The following ANO9 variants were observed in gnomAD, a reference collection of about 807,000 sequenced individuals.
The protein encoded by ANO9 is anoctamin 9.
Under a neutral mutation model 100.5 loss-of-function variants are expected in ANO9, and 80 were observed. The observed-to-expected ratio is 0.80, with a 90% CI of 0.66 to 0.96. The LOEUF (loss-of-function observed/expected upper bound fraction) is 0.96. Among genes scored for constraint, ANO9 ranks in the 40% least tolerant of loss-of-function variants. The probability of loss-of-function intolerance (pLI) is 0.00; values close to 1 mark genes in which losing one functional copy is unlikely to be tolerated. For synonymous variants in ANO9, 473 were observed against 435.6 expected, an observed-to-expected ratio of 1.09 and a Z score of -1.07; for missense variants, 1,064 against 1,072.7, an observed-to-expected ratio of 0.99 and a Z score of 0.11.
rs764715615 is a variant in ANO9 at position 430,253 on chromosome 11, C to A, written c.674+16G>T. ...CCCACCCCGGCCCCCCATGCCCGGC[C>A]CCTGCTGCGGCCCACCTGATCTGGC... On this transcript the variant is annotated intron_variant, in intron 8 of 22. Coordinates refer to ENST00000332826, the MANE Select transcript of ANO9 (RefSeq NM_001012302.3). The A allele has an allele frequency of 1.1e-5, 17 of 1,556,286 alleles. No individual in the cohort carries two copies. The highest frequency in any genetic ancestry group is 3.5e-5 in the South Asian group (3 of 84,572).
At chr11:425,855 A>G (rs1316621027) in intron 15 of ANO9, among the ~76,000 whole-genome samples, 1 of 151,726 alleles carries the variant, frequency 6.6e-6, no homozygotes, top group Non-Finnish European at 1.5e-5. Context: ...CAGCCTCCCC[A>G]GTAGCTGGGA....
At chr11:425,720 TTTTG>T (rs771356151) in intron 15 of ANO9, among the ~76,000 whole-genome samples, 3,170 of 151,814 alleles carry the variant, frequency 0.021, 118 homozygotes, top group African/African-American at 0.072. Flanking sequence ...GTTTTTTGTT[TTTTG>T]TTTGTTTGTT....
At chr11:423,770 A>G (rs1398414812) in intron 15 of ANO9, among the ~76,000 whole-genome samples, 4 of 152,150 alleles carry the variant, frequency 2.6e-5, no homozygotes, top group African/African-American at 9.6e-5. Flanking sequence ...GCCTCAAGTA[A>G]TCCTCCTACC....
intron 7 of ANO9, 48 bp from the exon 8 acceptor site, chr11:430,451 G>A (rs757123273): frequency 2.8e-6 from 3 of 1,087,496 alleles, no homozygotes; most frequent in Non-Finnish European, 3.8e-6. Context: ...CGGTGGGGGA[G>A]GGACAGGAAA....
chr11:424,694 A>G (rs1417798728), intron 15 of ANO9, among the ~76,000 whole-genome samples: 1 of 152,238 alleles, frequency 6.6e-6, no homozygotes, highest in Non-Finnish European at 1.5e-5. Context: ...TGGACCCTTT[A>G]GGAAACAAGA....
chr11:432,033 GT>G lies in ANO9; in HGVS notation c.371del (p.Asn124ThrfsTer5). 2 of 1,613,016 alleles carry G rather than the reference GT, an allele frequency of 1.2e-6. No homozygotes were observed. Among genetic ancestry groups the G allele is most frequent in the Non-Finnish European group, 1.7e-6 (2 of 1,179,770 alleles). On this transcript the variant is annotated frameshift_variant, in exon 5 of 23. Coordinates refer to ENST00000332826, the MANE Select transcript of ANO9 (RefSeq NM_001012302.3). LOFTEE classifies it high-confidence loss of function. The surrounding 1 kb of genome is among the most constrained non-coding windows in gnomAD (Gnocchi z 4.8). ...AGGTCTTGTTGTTCATGACAACGAA[GT>G]TCACGATTCGGATTCTGAGACTCAA... ...VTTSLRIRIV[N>X]FVVMNNKTSA...
In ANO9 at chr11:429,656, C is replaced by G; in HGVS notation, c.833-4G>C. On this transcript the variant is annotated splice_region_variant and splice_polypyrimidine_tract_variant and intron_variant, in intron 10 of 22. Transcript: ENST00000332826. Reference sequence around the variant, plus strand: ...CAGATCTCCAGGAACACCGTGGCTGCGGCGGGGGCAAGGAGGGGCATCACT... The same window carrying G: ...CAGATCTCCAGGAACACCGTGGCTGGGGCGGGGGCAAGGAGGGGCATCACT... The G allele has an allele frequency of 6.2e-7, 1 of 1,612,582 alleles. No homozygotes were observed. The highest frequency in any genetic ancestry group is 8.5e-7 in the Non-Finnish European group (1 of 1,179,872).
chr11:434,158 C>T, intron 1 of ANO9, 60 bp from the exon 2 acceptor site: 5 of 1,520,226 alleles, frequency 3.3e-6, no homozygotes, highest in East Asian at 2.5e-5. Flanking sequence ...AGATGCCCCT[C>T]ATTGGCGGGT....
chr11:429,269 C>G (rs560602525), intron 11 of ANO9, among the ~76,000 whole-genome samples: 1 of 123,276 alleles, frequency 8.1e-6, no homozygotes, highest in Admixed American at 9.1e-5. Flanking sequence ...TGGACAGACA[C>G]GGGACACTCA....
At position 431,706 on chromosome 11, in the gene ANO9, A is replaced by G; in HGVS notation, c.527T>C (p.Val176Ala). The G allele has an allele frequency of 6.2e-7, 1 of 1,612,486 alleles. No homozygotes were observed. Among genetic ancestry groups the G allele is most frequent in the Non-Finnish European group, 8.5e-7 (1 of 1,179,498 alleles). The change falls in exon 7 of 23, where the codon GTT becomes GCT. Residue 176 changes from valine (V) to alanine (A), a missense_variant. Physicochemically the swap from Val to Ala is moderately conservative, Grantham distance 64 (BLOSUM62 0). Coordinates refer to ENST00000332826, the MANE Select transcript of ANO9 (RefSeq NM_001012302.3). ...RWRHMFREQP[V>A]DEIRNYFGEK... is the part of the protein sequence containing the mutation. Reference sequence around the variant, plus strand: ...TGGGCAGCGTTACCTGATTTCATCAACTGGCTGCTCCCGGAACATGTGTCT... The same window carrying G: ...TGGGCAGCGTTACCTGATTTCATCAGCTGGCTGCTCCCGGAACATGTGTCT...
At position 420,675 on chromosome 11, in the gene ANO9, C is replaced by T. The variant is rs1170480645; in HGVS notation, c.1633+43G>A. ...CACTCATGTCCGCGGACCCCCGCCC[C>T]GCATTCGTCTCCGCGAACCCCCGCC... On this transcript the variant is annotated intron_variant, in intron 18 of 22. Coordinates refer to ENST00000332826, the MANE Select transcript of ANO9 (RefSeq NM_001012302.3). 9 of 1,601,034 alleles carry T rather than the reference C, an allele frequency of 5.6e-6. No individual in the cohort carries two copies. The South Asian group carries it at 6.6e-5, about 12-fold the overall frequency.
chr11:429,672 G>A lies in ANO9; in HGVS notation c.833-20C>T. On this transcript the variant is annotated intron_variant, in intron 10 of 22. Transcript: ENST00000332826. ...CCGTGGCTGCGGCGGGGGCAAGGAGGGGCATCACTGCACTACGCCAGGTGG... is the reference window on the plus strand; with the variant it reads ...CCGTGGCTGCGGCGGGGGCAAGGAGAGGCATCACTGCACTACGCCAGGTGG... 6.2e-7 allele frequency: 1 copy of A among 1,612,582 alleles called. No individual in the cohort carries two copies. The highest frequency in any genetic ancestry group is 8.5e-7 in the Non-Finnish European group (1 of 1,179,866).
At chr11:431,299 C>T (rs181576461) in intron 7 of ANO9, among the ~76,000 whole-genome samples, 3,586 of 9,432 alleles carry the variant, frequency 0.38, no homozygotes, top group South Asian at 0.48. Flanking sequence ...TGGGGGCGTC[C>T]GCGGGTATCT....
rs571662668 is a variant in ANO9, at chr11:432,269, C to T, written c.351-215G>A. 4.5e-4 allele frequency: 255 copies of T among 569,082 alleles called. 1 individual carries two copies. The highest frequency in any genetic ancestry group is 6.5e-4 in the Admixed American group (21 of 32,206). The allele number at this position is 569,082 out of a possible 1,614,324, so 35.3% of individuals were successfully genotyped here. A position where few individuals can be genotyped will look rare whatever the true frequency, so the allele number is the denominator to read the frequency against. On this transcript the variant is annotated intron_variant, in intron 4 of 22. Transcript: ENST00000332826. The surrounding 1 kb of genome is among the most constrained non-coding windows in gnomAD (Gnocchi z 4.8). ...TCCCAGGGCCTGGCCTGCCCCACGG[C>T]GTCCAGGATGAGGCTGGGCTGGGGG...
intron 1 of ANO9, among the ~76,000 whole-genome samples, chr11:438,504 C>T (rs957381929): frequency 6.6e-6 from 1 of 151,524 alleles, no homozygotes; most frequent in Non-Finnish European, 1.5e-5. Flanking sequence ...CACACACAGC[C>T]AGACAGGCCT....
At chr11:426,510 T>C (rs1348569537) in intron 15 of ANO9, among the ~76,000 whole-genome samples, 1 of 152,152 alleles carries the variant, frequency 6.6e-6, no homozygotes. Flanking sequence ...AGTTTGAGGC[T>C]GTAGTGAGCT....
chr11:423,278 C>A (rs1052126089), intron 15 of ANO9, among the ~76,000 whole-genome samples: 5 of 152,100 alleles, frequency 3.3e-5, no homozygotes, highest in Non-Finnish European at 7.4e-5. Flanking sequence ...GCAATAATAC[C>A]CAGCACAGCA....
At position 428,181 on chromosome 11, in the gene ANO9, G is replaced by T; in HGVS notation, c.1241C>A (p.Ser414Ter). 1 of 1,612,092 alleles carries T rather than the reference G, an allele frequency of 6.2e-7. No individual in the cohort carries two copies. The highest frequency in any genetic ancestry group is 2.2e-5 in the East Asian group (1 of 44,704). Reference protein sequence around the residue: ...LCDFEMPRTFSERESRFTIRF... With the variant: ...LCDFEMPRTF ...GATGGTGAACCTGCTCTCTCGCTCC[G>T]AGAAGGTCCTGGGCATCTCTGGAAT... The change falls in exon 15 of 23, where the codon TCG becomes TAG. Residue 414 changes from serine to a stop codon, truncating the protein, a stop_gained. Coordinates refer to ENST00000332826, the MANE Select transcript of ANO9 (RefSeq NM_001012302.3). LOFTEE classifies it high-confidence loss of function.
chr11:429,538 C>T (rs747151933), intron 11 of ANO9, 32 bp downstream of exon 11: 16 of 1,610,292 alleles, frequency 9.9e-6, no homozygotes, highest in Admixed American at 5.0e-5. Context: ...CTGCTCGGGT[C>T]GGCCTCAGCT....
Sources: allele counts gnomAD v4.1 joint callset (sites outside exome capture counted in the v4.1 genomes callset), GRCh38; gene constraint gnomAD v4.1.1; non-coding constraint Gnocchi (gnomAD v3.1); transcripts MANE v1.5; gene names NCBI Gene and HGNC (gene_info 2026-07-23, HGNC 2026-07-21).